HFM1: variants seen among roughly 807,000 people sequenced by gnomAD.
HFM1 encodes the protein probable ATP-dependent DNA helicase HFM1.
Under a neutral mutation model 192.1 loss-of-function variants are expected in HFM1, and 169 were observed. The ratio of observed to expected loss-of-function variants is 0.88; its 90% CI spans 0.78 to 1.00. HFM1 has a LOEUF of 1.00. HFM1 is among the 50% of genes least tolerant of loss of function. HFM1 has a pLI of 0.00. For missense variants in HFM1, 1,661 were observed against 1,668.0 expected, an observed-to-expected ratio of 1.00 and a Z score of 0.07; for synonymous variants, 525 against 537.8, an observed-to-expected ratio of 0.98 and a Z score of 0.33.
At chr1:91,349,893 C>T (rs1442034555) in intron 18 of HFM1, among the ~76,000 whole-genome samples, 1 of 152,130 alleles carries the variant, frequency 6.6e-6, no homozygotes, top group Non-Finnish European at 1.5e-5. Context: ...ACTAAAATTA[C>T]ATTTTCTTAT....
chr1:91,347,417 A>G lies in HFM1; in HGVS notation c.2254+12T>C. On this transcript the variant is annotated intron_variant, in intron 19 of 38. Transcript: ENST00000370425. ...ATATAGAATCTAATTTTTAGAATGA[A>G]ATGCATCTAACCTTGTAATTTTGCT... 1 of 1,485,042 alleles carries G rather than the reference A, an allele frequency of 6.7e-7. No individual in the cohort carries two copies. The highest frequency in any genetic ancestry group is 9.2e-7 in the Non-Finnish European group (1 of 1,082,434). The allele number at this position is 1,485,042 out of a possible 1,614,324, so 92.0% of individuals were successfully genotyped here.
At chr1:91,365,628 G>T (rs1659195935) in intron 13 of HFM1, among the ~76,000 whole-genome samples, 1 of 152,018 alleles carries the variant, frequency 6.6e-6, no homozygotes, top group Non-Finnish European at 1.5e-5. Flanking sequence ...AAAACATCTA[G>T]TATTTTTCTA....
intron 30 of HFM1, among the ~76,000 whole-genome samples, chr1:91,308,540 T>A (rs1181659565): frequency 3.3e-5 from 5 of 152,312 alleles, no homozygotes; most frequent in East Asian, 3.9e-4. Flanking sequence ...ATACTTTTTT[T>A]AAAGAGATGT....
chr1:91,338,981 G>T (rs765409550), intron 20 of HFM1: 5 of 455,838 alleles, frequency 1.1e-5, no homozygotes, highest in South Asian at 7.7e-5. Flanking sequence ...ACAAAGCCAT[G>T]AGCATGCAGC....
chr1:91,289,200 G>T (rs1433669088), intron 30 of HFM1, among the ~76,000 whole-genome samples: 1 of 151,840 alleles, frequency 6.6e-6, no homozygotes, highest in African/African-American at 2.4e-5. Context: ...TGGCGGGGCA[G>T]AGACACTCCT....
At chr1:91,292,160 C>G (rs1247078286) in intron 30 of HFM1, among the ~76,000 whole-genome samples, 2 of 151,276 alleles carry the variant, frequency 1.3e-5, no homozygotes, top group Admixed American at 1.3e-4. Context: ...GATGCCCTCT[C>G]TCACCACTCC....
intron 20 of HFM1, among the ~76,000 whole-genome samples, chr1:91,327,821 G>T (rs1373609088): frequency 6.6e-6 from 1 of 152,104 alleles, no homozygotes; most frequent in Admixed American, 6.6e-5. Context: ...AGGAATTTTG[G>T]AAACTATACA....
At chr1:91,366,620 AG>A (rs1659349639) in intron 13 of HFM1, among the ~76,000 whole-genome samples, 1 of 152,232 alleles carries the variant, frequency 6.6e-6, no homozygotes, top group Non-Finnish European at 1.5e-5. Flanking sequence ...TTAAAAACTT[AG>A]AAAATTAATA....
At chr1:91,302,743 A>T (rs1307269047) in intron 30 of HFM1, among the ~76,000 whole-genome samples, 1 of 143,126 alleles carries the variant, frequency 7.0e-6, no homozygotes. Flanking sequence ...GAGAACACAT[A>T]GACACAGGAA....
intron 13 of HFM1, among the ~76,000 whole-genome samples, chr1:91,361,137 TAG>T (rs1658444421): frequency 6.7e-6 from 1 of 149,634 alleles, no homozygotes; most frequent in African/African-American, 2.5e-5. Flanking sequence ...CTAAAAGAAC[TAG>T]AGAACCAAGA....
intron 20 of HFM1, among the ~76,000 whole-genome samples, chr1:91,330,598 C>T (rs1411847698): frequency 1.2e-4 from 18 of 152,166 alleles, no homozygotes; most frequent in Admixed American, 1.2e-3. Context: ...ACAAATCCTG[C>T]TCAAAAACTG....
At chr1:91,303,151 C>A (rs1028642229) in intron 30 of HFM1, among the ~76,000 whole-genome samples, 1 of 152,082 alleles carries the variant, frequency 6.6e-6, no homozygotes, top group Non-Finnish European at 1.5e-5. Context: ...AAAAACCCAC[C>A]ATATAACTAT....
At chr1:91,311,391 C>T (rs998116332) in intron 30 of HFM1, among the ~76,000 whole-genome samples, 11 of 152,080 alleles carry the variant, frequency 7.2e-5, no homozygotes, top group Middle Eastern at 3.4e-3. Context: ...TTCGGGAGGC[C>T]GAGGCAGGTG....
At chr1:91,364,607 CATATAT>C (rs202070365) in intron 13 of HFM1, among the ~76,000 whole-genome samples, 15 of 97,910 alleles carry the variant, frequency 1.5e-4, no homozygotes, top group Middle Eastern at 5.6e-3. Flanking sequence ...TATACATATA[CATATAT>C]ATATATATAT....
intron 32 of HFM1, among the ~76,000 whole-genome samples, 175 bp from the exon 33 acceptor site, chr1:91,274,984 C>CT (rs1304423324): frequency 1.9e-4 from 18 of 94,876 alleles, no homozygotes; most frequent in East Asian, 8.7e-4. Context: ...TAAATGTTGG[C>CT]ATTTTTTTTT....
intron 8 of HFM1, among the ~76,000 whole-genome samples, chr1:91,379,761 T>C (rs1661330739): frequency 6.6e-6 from 1 of 152,150 alleles, no homozygotes; most frequent in Non-Finnish European, 1.5e-5. Flanking sequence ...TATACATATA[T>C]TACTTTGATT....
upstream of HFM1, among the ~76,000 whole-genome samples, chr1:91,407,211 G>C (rs923749961): frequency 6.6e-6 from 1 of 152,024 alleles, no homozygotes; most frequent in African/African-American, 2.4e-5. Flanking sequence ...CCGTTGGGGG[G>C]TGAGGGGCTG....
chr1:91,371,909 C>T lies in HFM1; in HGVS notation c.1685+3449G>A, dbSNP rs558082505. 3.7e-3 allele frequency among the ~76,000 whole-genome samples: 569 copies of T among 152,200 alleles called. 2 individuals are homozygous for T. The highest frequency in any genetic ancestry group is 6.8e-3 in the Non-Finnish European group (462 of 68,008). ...TTTACAAGAAAAAAACAAACAACCC[C>T]AACAAAAAGTGGGTGAAGGATATGA... On this transcript the variant is annotated intron_variant, in intron 13 of 38. Transcript: ENST00000370425.
At chr1:91,379,340 A>G (rs1041637378) in intron 8 of HFM1, 126 bp from the exon 9 acceptor site, 8 of 722,142 alleles carry the variant, frequency 1.1e-5, no homozygotes, top group Non-Finnish European at 1.8e-5. Context: ...ATAAATTAAA[A>G]ATGAACAATA....
Sources: gnomAD v4.1 joint callset for allele counts (sites outside exome capture counted in the v4.1 genomes callset) on GRCh38, gnomAD v4.1.1 for gene constraint, MANE v1.5 for transcripts, NCBI Gene and HGNC (gene_info 2026-07-23, HGNC 2026-07-21) for gene names.